Variants in TBC1D10B observed in about 807,000 individuals in gnomAD.
TBC1D10B encodes TBC1 domain family member 10B.
A neutral mutation model predicts 78.4 loss-of-function variants in TBC1D10B; 25 were observed. That is an observed-to-expected ratio of 0.32 (90% CI 0.23 to 0.45). TBC1D10B has a LOEUF of 0.45. TBC1D10B is among the 20% of genes least tolerant of loss of function. TBC1D10B has a pLI of 1.00. For synonymous variants in TBC1D10B, 517 were observed against 478.0 expected (o/e 1.08, Z -1.06); for missense variants, 996 against 1,104.8 (o/e 0.90, Z 1.40).
chr16:30,368,601 C>A (rs1355066919), intron 1 of TBC1D10B, among the ~76,000 whole-genome samples: 1 of 152,136 alleles, frequency 6.6e-6, no homozygotes, highest in African/African-American at 2.4e-5. Context: ...AAAGAGTCAG[C>A]CCGGCTGGGG....
chr16:30,357,838 C>T lies in TBC1D10B; in HGVS notation c.*106G>A, dbSNP rs1382427436. On this transcript the variant is annotated 3_prime_UTR_variant, in exon 9 of 9. Coordinates refer to ENST00000409939, the MANE Select transcript of TBC1D10B (RefSeq NM_015527.4). ...AGATGGGGAACCAAGCCACTTTCCC[C>T]AGCAAGGGACAGCCTGACAAGGTGC... is the stretch of plus-strand genomic sequence containing the variant. 1 of 1,425,412 alleles carries T rather than the reference C, an allele frequency of 7.0e-7. No homozygotes were observed. Among genetic ancestry groups the T allele is most frequent in the Non-Finnish European group, 9.2e-7 (1 of 1,085,262 alleles). The allele number at this position is 1,425,412 out of a possible 1,614,324, so 88.3% of individuals were successfully genotyped here.
intron 7 of TBC1D10B, 64 bp from the exon 8 acceptor site, chr16:30,358,881 A>C: frequency 6.6e-7 from 1 of 1,512,176 alleles, no homozygotes; most frequent in Non-Finnish European, 8.9e-7. Context: ...TGTCCTGATC[A>C]GGATAGACTC....
intron 1 of TBC1D10B, chr16:30,366,441 G>A (rs1284900985): frequency 6.6e-6 from 1 of 151,938 alleles, no homozygotes; most frequent in African/African-American, 2.4e-5. Context: ...GGAGGCGGAG[G>A]GTGCAGTGAG....
In TBC1D10B at chr16:30,369,494, G is replaced by A; in HGVS notation, c.690C>T (p.Val230=). 3 of 1,551,200 alleles carry A rather than the reference G, an allele frequency of 1.9e-6. No homozygotes were observed. The highest frequency in any genetic ancestry group is 2.4e-5 in the South Asian group (2 of 84,044). The change falls in exon 1 of 9, where the codon GTC becomes GTT. Residue 230 remains valine, a synonymous_variant. Transcript: ENST00000409939. This position sits in a 1 kb window ranked among gnomAD's most constrained non-coding sequence, Gnocchi z 4.3. ...GCTCCGGAGCTGGGGTCACGGTCAC[G>A]ACAGCTACCGGAGCCTCACAAGTCC... ...PSGTCEAPVA[V]VTVTPAPEPA... is the part of the protein sequence containing the mutation.
rs1281107585 is a variant in TBC1D10B at position 30,365,445 on chromosome 16, C to A, written c.1056+50G>T. On this transcript the variant is annotated intron_variant, in intron 2 of 8. Coordinates refer to ENST00000409939, the MANE Select transcript of TBC1D10B (RefSeq NM_015527.4). The surrounding 1 kb of genome is among the most constrained non-coding windows in gnomAD (Gnocchi z 5.0). ...TTCCTGGGCTTCCCTGGAGCACATG[C>A]TACCCCTCCCAACTTGTGCATTGCC... 1 of 1,597,594 alleles carries A rather than the reference C, an allele frequency of 6.3e-7. No homozygotes were observed. The highest frequency in any genetic ancestry group is 8.6e-7 in the Non-Finnish European group (1 of 1,164,962).
rs2049675666 is a variant in TBC1D10B, at chr16:30,370,094, G to A, written c.90C>T (p.Ala30=). 4.9e-6 allele frequency: 6 copies of A among 1,224,494 alleles called. No individual in the cohort carries two copies. The highest frequency in any genetic ancestry group is 5.1e-6 in the Non-Finnish European group (5 of 983,388). The allele number at this position is 1,224,494 out of a possible 1,614,324, so 75.9% of individuals were successfully genotyped here. ...APSPPPRGSR[A]GPVVVVAPGP... is the part of the protein sequence containing the mutation. ...CCGGAGCCACCACCACGACGGGCCC[G>A]GCCCGGGAACCCCGGGGCGGCGGCG... The change falls in exon 1 of 9, where the codon GCC becomes GCT. Residue 30 remains alanine, a synonymous_variant. Transcript: ENST00000409939.
rs956226463 is a variant in TBC1D10B, at chr16:30,369,493, C to T, written c.691G>A (p.Val231Met). Residue 231 changes from valine (V) to methionine (M), a missense_variant, in exon 1 of 9, where the codon GTG becomes ATG. Coordinates refer to ENST00000409939, the MANE Select transcript of TBC1D10B (RefSeq NM_015527.4). The surrounding 1 kb of genome is among the most constrained non-coding windows in gnomAD (Gnocchi z 4.3). ...GGCTCCGGAGCTGGGGTCACGGTCA[C>T]GACAGCTACCGGAGCCTCACAAGTC... is the stretch of plus-strand genomic sequence containing the variant. ...SGTCEAPVAV[V>M]TVTPAPEPAE... is the part of the protein sequence containing the mutation. 38 of 1,551,112 alleles carry T rather than the reference C, an allele frequency of 2.4e-5. No individual in the cohort carries two copies. Among genetic ancestry groups the T allele is most frequent in the Non-Finnish European group, 3.2e-5 (37 of 1,146,996 alleles).
Position 30,365,355 on chromosome 16 carries a change from T to G in TBC1D10B, c.1056+140A>C. 1 of 1,264,648 alleles carries G rather than the reference T, an allele frequency of 7.9e-7. No homozygotes were observed. The highest frequency in any genetic ancestry group is 1.1e-6 in the Non-Finnish European group (1 of 881,188). 78.3% of individuals were successfully genotyped at this position (1,264,648 alleles called of 1,614,324 possible). ...TGGACCTGGCCTGGACTTCTATTTT[T>G]AAAGCCATTCCCCCGCCAGGGCCCA... On this transcript the variant is annotated intron_variant, in intron 2 of 8. Transcript: ENST00000409939. This position sits in a 1 kb window ranked among gnomAD's most constrained non-coding sequence, Gnocchi z 5.0.
At position 30,358,810 on chromosome 16, in the gene TBC1D10B, C is replaced by G; in HGVS notation, c.1650G>C (p.Lys550Asn). 3 of 1,606,864 alleles carry G rather than the reference C, an allele frequency of 1.9e-6. No individual in the cohort carries two copies. Among genetic ancestry groups the G allele is most frequent in the Non-Finnish European group, 2.5e-6 (3 of 1,177,164 alleles). Residue 550 changes from lysine to asparagine, a missense_variant, in exon 8 of 9, where the codon AAG becomes AAC. Physicochemically the swap from Lys to Asn is moderately conservative, Grantham distance 94. Around this residue, in one of 5 missense-constraint regions of TBC1D10B, gnomAD observed 168 missense variants for 238.7 expected, o/e 0.70. Coordinates refer to ENST00000409939, the MANE Select transcript of TBC1D10B (RefSeq NM_015527.4). ...GGACCAGGGCCACCCGGAAGATGAT[C>G]TTAACGCCTGCAGGGGTGGAGAGTA... ...VWDMFFCEGV[K>N]IIFRVALVLL... is the part of the protein sequence containing the mutation.
intron 1 of TBC1D10B, chr16:30,366,809 C>T (rs1399087204): frequency 6.6e-6 from 1 of 152,182 alleles, no homozygotes; most frequent in Non-Finnish European, 1.5e-5. Context: ...TCAAACCTAC[C>T]TAAGTTCAAA....
chr16:30,364,737 C>T (rs2049623355), intron 4 of TBC1D10B, among the ~76,000 whole-genome samples, 163 bp downstream of exon 4: 1 of 152,132 alleles, frequency 6.6e-6, no homozygotes, highest in African/African-American at 2.4e-5. Context: ...CTTCCCAGGA[C>T]AGTTCCTTTG....
In TBC1D10B at chr16:30,369,769, G is replaced by T; in HGVS notation, c.415C>A (p.Arg139=). ...GADSPKTEEA[R]PSPAPGPGTP... ...CCTGGTCCTGGGGCGGGTGAGGGTC[G>T]AGCCTCCTCTGTCTTCGGCGAGTCT... Residue 139 remains arginine (R), a synonymous_variant, in exon 1 of 9, where the codon CGA becomes AGA. Coordinates refer to ENST00000409939, the MANE Select transcript of TBC1D10B (RefSeq NM_015527.4). This position sits in a 1 kb window ranked among gnomAD's most constrained non-coding sequence, Gnocchi z 4.3. 6.9e-7 allele frequency: 1 copy of T among 1,446,594 alleles called. No individual in the cohort carries two copies. 89.6% of individuals were successfully genotyped at this position (1,446,594 alleles called of 1,614,324 possible).
At position 30,365,671 on chromosome 16, in the gene TBC1D10B, C is replaced by G. The variant is rs2049630731; in HGVS notation, c.957-77G>C. 1 of 1,347,534 alleles carries G rather than the reference C, an allele frequency of 7.4e-7. No homozygotes were observed. Among genetic ancestry groups the G allele is most frequent in the African/African-American group, 1.4e-5 (1 of 69,860 alleles). The allele number at this position is 1,347,534 out of a possible 1,614,324, so 83.5% of individuals were successfully genotyped here. A position where few individuals can be genotyped will look rare whatever the true frequency, so the allele number is the denominator to read the frequency against. On this transcript the variant is annotated intron_variant, in intron 1 of 8. Coordinates refer to ENST00000409939, the MANE Select transcript of TBC1D10B (RefSeq NM_015527.4). This position sits in a 1 kb window ranked among gnomAD's most constrained non-coding sequence, Gnocchi z 5.0. ...GCATTGCAGGGGGAACTGAGGCAAGCCACCTCCCCAAGCTCAAACGAGAAA... is the reference window on the plus strand; with the variant it reads ...GCATTGCAGGGGGAACTGAGGCAAGGCACCTCCCCAAGCTCAAACGAGAAA...
Position 30,370,084 on chromosome 16 carries a change from C to G in TBC1D10B, c.100G>C (p.Val34Leu). The change falls in exon 1 of 9, where the codon GTG becomes CTG. Residue 34 changes from valine to leucine, a missense_variant. This residue lies in a region of TBC1D10B where 448 missense variants were observed against 442.1 expected (regional missense o/e 1.01). Coordinates refer to ENST00000409939, the MANE Select transcript of TBC1D10B (RefSeq NM_015527.4). The part of the protein sequence containing the change: ...PPRGSRAGPV[V>L]VVAPGPPVTT... ...ACTGGAGGTCCCGGAGCCACCACCA[C>G]GACGGGCCCGGCCCGGGAACCCCGG... 8.2e-7 allele frequency: 1 copy of G among 1,225,610 alleles called. No homozygotes were observed. The highest frequency in any genetic ancestry group is 4.1e-5 in the South Asian group (1 of 24,288). 75.9% of individuals were successfully genotyped at this position (1,225,610 alleles called of 1,614,324 possible).
Position 30,369,095 on chromosome 16 carries a change from G to A in TBC1D10B, c.956+133C>T. The A allele has an allele frequency of 1.1e-6, 1 of 939,690 alleles. No individual in the cohort carries two copies. Among genetic ancestry groups the A allele is most frequent in the Non-Finnish European group, 1.6e-6 (1 of 640,878 alleles). The allele number at this position is 939,690 out of a possible 1,614,324, so 58.2% of individuals were successfully genotyped here. A position where few individuals can be genotyped will look rare whatever the true frequency, so the allele number is the denominator to read the frequency against. ...CAGGATGCTCAAGACACGGCAGCTC[G>A]CGCTGATCACCCCGTGGATCCTCAG... On this transcript the variant is annotated intron_variant, in intron 1 of 8. Coordinates refer to ENST00000409939, the MANE Select transcript of TBC1D10B (RefSeq NM_015527.4). This position sits in a 1 kb window ranked among gnomAD's most constrained non-coding sequence, Gnocchi z 4.3.
At position 30,365,235 on chromosome 16, in the gene TBC1D10B, G is replaced by A. The variant is rs758377319; in HGVS notation, c.1057-23C>T. The A allele has an allele frequency of 8.0e-5, 129 of 1,606,186 alleles. No homozygotes were observed. The highest frequency in any genetic ancestry group is 1.0e-4 in the Non-Finnish European group (123 of 1,173,318). ...CACCTAAGGCAAAGTGGCAGGAGGGGGACAGCTTCAAGGGCTGGCACAGCC... is the reference window on the plus strand; with the variant it reads ...CACCTAAGGCAAAGTGGCAGGAGGGAGACAGCTTCAAGGGCTGGCACAGCC... On this transcript the variant is annotated intron_variant, in intron 2 of 8. Transcript: ENST00000409939. The surrounding 1 kb of genome is among the most constrained non-coding windows in gnomAD (Gnocchi z 5.0).
intron 4 of TBC1D10B, among the ~76,000 whole-genome samples, chr16:30,362,725 G>A (rs2049607259): frequency 6.6e-6 from 1 of 152,090 alleles, no homozygotes; most frequent in African/African-American, 2.4e-5. Context: ...CTATCTAGAG[G>A]TCCAATAAGC....
Position 30,370,115 on chromosome 16 carries a change from C to A in TBC1D10B, c.69G>T (p.Pro23=), listed in dbSNP as rs1320654226. 5 of 1,217,244 alleles carry A rather than the reference C, an allele frequency of 4.1e-6. No homozygotes were observed. Among genetic ancestry groups the A allele is most frequent in the South Asian group, 4.1e-5 (1 of 24,228 alleles). 75.4% of individuals were successfully genotyped at this position (1,217,244 alleles called of 1,614,324 possible). A position where few individuals can be genotyped will look rare whatever the true frequency, so the allele number is the denominator to read the frequency against. Residue 23 remains proline (P), a synonymous_variant, in exon 1 of 9, where the codon CCG becomes CCT. Coordinates refer to ENST00000409939, the MANE Select transcript of TBC1D10B (RefSeq NM_015527.4). ...RRHGAPAAPS[P]PPRGSRAGPV... is the part of the protein sequence containing the mutation. ...GCCCGGCCCGGGAACCCCGGGGCGG[C>A]GGCGAGGGGGCCGCGGGGGCGCCAT...
In TBC1D10B at chr16:30,365,572, C is replaced by G. The variant is rs770016893; in HGVS notation, c.979G>C (p.Val327Leu). The G allele has an allele frequency of 6.2e-7, 1 of 1,613,894 alleles. No individual in the cohort carries two copies. Among genetic ancestry groups the G allele is most frequent in the African/African-American group, 1.3e-5 (1 of 74,946 alleles). Residue 327 changes from valine to leucine, a missense_variant, in exon 2 of 9, where the codon GTG (valine) becomes CTG (leucine). Transcript: ENST00000409939. This position sits in a 1 kb window ranked among gnomAD's most constrained non-coding sequence, Gnocchi z 5.0. ...CATTTGAGCTCCCGCTGCCGAGCCACGTCCACGGGAATGGAGCTCTCTCTG... is the reference window on the plus strand; with the variant it reads ...CATTTGAGCTCCCGCTGCCGAGCCAGGTCCACGGGAATGGAGCTCTCTCTG... ...GSLESSIPVD[V>L]ARQRELKWLD...
Sources: allele counts gnomAD v4.1 joint callset (sites outside exome capture counted in the v4.1 genomes callset), GRCh38; gene constraint gnomAD v4.1.1; regional missense constraint gnomAD v4.1.1; non-coding constraint Gnocchi (gnomAD v3.1); transcripts MANE v1.5; gene names NCBI Gene and HGNC (gene_info 2026-07-23, HGNC 2026-07-21).